The following FBXO11 variants were observed in gnomAD, a reference collection of about 807,000 sequenced individuals.
FBXO11 encodes the protein F-box protein 11.
In FBXO11, 13 loss-of-function variants were observed where a neutral mutation model predicts 117.0. The observed-to-expected ratio is 0.11, with a 90% CI of 0.07 to 0.18. The LOEUF (loss-of-function observed/expected upper bound fraction) is 0.18. FBXO11 is among the 10% of genes least tolerant of loss of function. The pLI is 1.00. For synonymous variants in FBXO11, 490 were observed against 380.5 expected (o/e 1.29, Z -3.35); for missense variants, 767 against 1,164.4 (o/e 0.66, Z 4.97).
At chr2:47,823,091 A>C in intron 12 of FBXO11, 52 bp downstream of exon 12, 2 of 1,348,260 alleles carry the variant, frequency 1.5e-6, no homozygotes, top group Non-Finnish European at 2.0e-6. Flanking sequence ...TTGACTTTTA[A>C]GCAAACCTTG....
At chr2:47,896,798 G>C (rs1262171392) in intron 1 of FBXO11, among the ~76,000 whole-genome samples, 2 of 152,132 alleles carry the variant, frequency 1.3e-5, no homozygotes, top group Non-Finnish European at 2.9e-5. Context: ...TTTATGTATT[G>C]CTGACCTTAT....
intron 3 of FBXO11, 56 bp from the exon 4 acceptor site, chr2:47,839,059 A>G (rs1447758036): frequency 1.3e-6 from 2 of 1,535,834 alleles, no homozygotes; most frequent in Non-Finnish European, 8.8e-7. Context: ...CTCATTATTT[A>G]AAGAACACAG....
At chr2:47,845,754 A>T (rs190151291) in intron 1 of FBXO11, among the ~76,000 whole-genome samples, 239 of 152,206 alleles carry the variant, frequency 1.6e-3, no homozygotes, top group Admixed American at 3.0e-3. Context: ...TATATTCTTC[A>T]GTGTTTAGCT....
chr2:47,845,176 C>A (rs966766147), intron 1 of FBXO11, among the ~76,000 whole-genome samples: 2 of 130,772 alleles, frequency 1.5e-5, no homozygotes, highest in Non-Finnish European at 3.2e-5. Flanking sequence ...CTTTGCTTCT[C>A]ACCAAAGACA....
At chr2:47,900,397 C>A (rs1162238261) in intron 1 of FBXO11, among the ~76,000 whole-genome samples, 1 of 151,958 alleles carries the variant, frequency 6.6e-6, no homozygotes, top group East Asian at 1.9e-4. Context: ...TAAGACTGCA[C>A]AGGATCCATG....
intron 1 of FBXO11, among the ~76,000 whole-genome samples, chr2:47,878,571 G>C (rs1043440630): frequency 3.3e-5 from 5 of 151,800 alleles, no homozygotes; most frequent in African/African-American, 1.2e-4. Flanking sequence ...TGGCCAGGTT[G>C]GTCTTGAACT....
At chr2:47,900,780 ACACACACG>A (rs1167096457) in intron 1 of FBXO11, among the ~76,000 whole-genome samples, 42 of 111,256 alleles carry the variant, frequency 3.8e-4, no homozygotes, top group African/African-American at 4.4e-4. Context: ...ATACACGTAT[ACACACACG>A]TGTATATATA....
intron 1 of FBXO11, among the ~76,000 whole-genome samples, chr2:47,860,664 C>T (rs1674692265): frequency 6.6e-6 from 1 of 151,944 alleles, no homozygotes; most frequent in Admixed American, 6.6e-5. Flanking sequence ...GCCTCGGCCT[C>T]CCAAAGTGCT....
chr2:47,809,784 T>C (rs1670482851), intron 19 of FBXO11, 77 bp from the exon 20 acceptor site: 19 of 893,762 alleles, frequency 2.1e-5, no homozygotes, highest in East Asian at 5.0e-5. Flanking sequence ...CAAGCAAATG[T>C]AAACTGCTTC....
intron 1 of FBXO11, among the ~76,000 whole-genome samples, chr2:47,867,067 C>T (rs190377589): frequency 2.4e-3 from 369 of 152,266 alleles, no homozygotes; most frequent in Non-Finnish European, 4.8e-3. Context: ...CTCCCAGGTT[C>T]CAGATTTTGT....
At chr2:47,821,865 G>C (rs574680109) in intron 13 of FBXO11, among the ~76,000 whole-genome samples, 2 of 152,244 alleles carry the variant, frequency 1.3e-5, no homozygotes, top group African/African-American at 2.4e-5. Flanking sequence ...ACCAAGGCGG[G>C]AAGATCACCT....
At chr2:47,895,701 G>T (rs1243890771) in intron 1 of FBXO11, among the ~76,000 whole-genome samples, 1 of 150,868 alleles carries the variant, frequency 6.6e-6, no homozygotes, top group Non-Finnish European at 1.5e-5. Context: ...TTATGTTGTT[G>T]TTTTTTTTTG....
chr2:47,858,447 C>T (rs1674484205), intron 1 of FBXO11, among the ~76,000 whole-genome samples: 1 of 150,900 alleles, frequency 6.6e-6, no homozygotes, highest in Non-Finnish European at 1.5e-5. Flanking sequence ...TTTGGGAGGC[C>T]AAGGTGGGCA....
chr2:47,894,311 C>T (rs1230034947), intron 1 of FBXO11, among the ~76,000 whole-genome samples: 1 of 152,018 alleles, frequency 6.6e-6, no homozygotes, highest in Non-Finnish European at 1.5e-5. Context: ...TTAAAATAAG[C>T]TTATTGTAAG....
intron 1 of FBXO11, among the ~76,000 whole-genome samples, chr2:47,872,227 T>C (rs1293475119): frequency 6.6e-6 from 1 of 152,250 alleles, no homozygotes; most frequent in Non-Finnish European, 1.5e-5. Flanking sequence ...TAGGATTTAG[T>C]GTAGAGCTGC....
intron 5 of FBXO11, 28 bp from the exon 6 acceptor site, chr2:47,834,899 A>G: frequency 6.7e-7 from 1 of 1,487,718 alleles, no homozygotes; most frequent in Non-Finnish European, 9.3e-7. Context: ...AAACAAAACC[A>G]TTGACTACTA....
At chr2:47,813,200 G>T in intron 18 of FBXO11, 34 bp downstream of exon 18, 1 of 1,600,760 alleles carries the variant, frequency 6.2e-7, no homozygotes, top group Non-Finnish European at 8.6e-7. Flanking sequence ...ATGGAAAACT[G>T]GATTTTTCAC....
chr2:47,895,491 C>G (rs1209848873), intron 1 of FBXO11, among the ~76,000 whole-genome samples: 1 of 152,116 alleles, frequency 6.6e-6, no homozygotes, highest in Non-Finnish European at 1.5e-5. Flanking sequence ...GGGTTGGGAA[C>G]AGTGACTAGG....
intron 18 of FBXO11, among the ~76,000 whole-genome samples, chr2:47,812,232 T>C (rs1449541270): frequency 2.6e-5 from 4 of 152,238 alleles, no homozygotes; most frequent in Admixed American, 2.6e-4. Flanking sequence ...ATACATTTTA[T>C]GGATGTGCTG....
Sources: allele counts gnomAD v4.1 joint callset (sites outside exome capture counted in the v4.1 genomes callset), GRCh38; gene constraint gnomAD v4.1.1; transcripts MANE v1.5; gene names NCBI Gene and HGNC (gene_info 2026-07-23, HGNC 2026-07-21).